Variants in RECQL5 observed in about 807,000 individuals in gnomAD.
RECQL5 encodes ATP-dependent DNA helicase Q5.
A neutral mutation model predicts 103.4 loss-of-function variants in RECQL5; 88 were observed. That is an observed-to-expected ratio of 0.85 (90% CI 0.72 to 1.02). The LOEUF (loss-of-function observed/expected upper bound fraction) is 1.02. RECQL5 is among the 50% of genes least tolerant of loss of function. RECQL5 has a pLI of 0.00. For synonymous variants in RECQL5, 552 were observed against 507.9 expected (o/e 1.09, Z -1.17); for missense variants, 1,232 against 1,284.3 (o/e 0.96, Z 0.62).
At chr17:75,627,998 G>A (rs1331157338) in intron 18 of RECQL5, among the ~76,000 whole-genome samples, 47 of 148,436 alleles carry the variant, frequency 3.2e-4, no homozygotes, top group Middle Eastern at 3.4e-3. Context: ...CAGCCTGGGC[G>A]ACAGAGATAA....
Position 75,640,676 on chromosome 17 carries a change from C to A in RECQL5, c.1230-9008G>T. The stretch of plus-strand genomic sequence containing the variant: ...TCACCAGCCTCTCGGATCTTTCTGA[C>A]CTCCACCAAACCTGTGGGGGAAAGA... On this transcript the variant is annotated intron_variant, in intron 8 of 19. Coordinates refer to ENST00000317905, the MANE Select transcript of RECQL5 (RefSeq NM_004259.7). This position sits in a 1 kb window ranked among gnomAD's most constrained non-coding sequence, Gnocchi z 4.6. 2 of 1,478,442 alleles carry A rather than the reference C, an allele frequency of 1.4e-6. No individual in the cohort carries two copies. The highest frequency in any genetic ancestry group is 1.8e-6 in the Non-Finnish European group (2 of 1,111,172). 91.6% of individuals were successfully genotyped at this position (1,478,442 alleles called of 1,614,324 possible).
Position 75,627,321 on chromosome 17 carries a change from G to A in RECQL5, c.*101C>T. 1 of 903,830 alleles carries A rather than the reference G, an allele frequency of 1.1e-6. No homozygotes were observed. The highest frequency in any genetic ancestry group is 1.8e-6 in the Non-Finnish European group (1 of 553,748). The allele number at this position is 903,830 out of a possible 1,614,324, so 56.0% of individuals were successfully genotyped here. On this transcript the variant is annotated 3_prime_UTR_variant, in exon 20 of 20. Transcript: ENST00000317905. Reference sequence around the variant, plus strand: ...GCCAAGTATGGTTGGAAAGGAGAAGGACTGAGAAAAGACGATGGCCCTGGC... The same window carrying A: ...GCCAAGTATGGTTGGAAAGGAGAAGAACTGAGAAAAGACGATGGCCCTGGC...
intron 7 of RECQL5, among the ~76,000 whole-genome samples, chr17:75,655,048 C>T (rs1188384606): frequency 6.6e-6 from 1 of 152,300 alleles, no homozygotes; most frequent in East Asian, 1.9e-4. Context: ...ATGTCATTCT[C>T]CCGAAGTGTT....
At chr17:75,652,855 T>TAA (rs1025458439) in intron 7 of RECQL5, among the ~76,000 whole-genome samples, 1 of 152,214 alleles carries the variant, frequency 6.6e-6, no homozygotes, top group Admixed American at 6.5e-5. Flanking sequence ...AAAAAGCACT[T>TAA]AAGTTACCAA....
At chr17:75,651,554 G>A (rs1250492426) in intron 7 of RECQL5, among the ~76,000 whole-genome samples, 3 of 152,170 alleles carry the variant, frequency 2.0e-5, no homozygotes, top group Non-Finnish European at 4.4e-5. Context: ...AACCCAGGAG[G>A]TGGAGGTTTC....
Position 75,629,487 on chromosome 17 carries a change from A to G in RECQL5, c.1948-12T>C. The G allele has an allele frequency of 1.3e-6, 2 of 1,500,264 alleles. No homozygotes were observed. The highest frequency in any genetic ancestry group is 2.8e-5 in the South Asian group (2 of 71,122). 92.9% of individuals were successfully genotyped at this position (1,500,264 alleles called of 1,614,324 possible). On this transcript the variant is annotated splice_polypyrimidine_tract_variant and intron_variant, in intron 15 of 19. Transcript: ENST00000317905. Reference sequence around the variant, plus strand: ...CGCTTGGGTTTGAGCTGTAAATGTGAGCAGGAGGAGAGGAGGTTCAGCCCA... The same window carrying G: ...CGCTTGGGTTTGAGCTGTAAATGTGGGCAGGAGGAGAGGAGGTTCAGCCCA...
chr17:75,656,637 G>C (rs930511101), intron 7 of RECQL5, among the ~76,000 whole-genome samples: 4 of 151,660 alleles, frequency 2.6e-5, no homozygotes, highest in African/African-American at 9.7e-5. Flanking sequence ...ATTTCTAGTA[G>C]GGTTTTTGTG....
chr17:75,640,297 C>G lies in RECQL5; in HGVS notation c.1230-8629G>C, dbSNP rs992815378. 29 of 1,550,782 alleles carry G rather than the reference C, an allele frequency of 1.9e-5. No individual in the cohort carries two copies. Among genetic ancestry groups the G allele is most frequent in the Non-Finnish European group, 2.4e-5 (28 of 1,146,658 alleles). ...TGCCCCAGGCTGAGCCCGTGGAGAT[C>G]GTGGCCTTCTCAGTCATCATCCTTT... On this transcript the variant is annotated intron_variant, in intron 8 of 19. Coordinates refer to ENST00000317905, the MANE Select transcript of RECQL5 (RefSeq NM_004259.7). This position sits in a 1 kb window ranked among gnomAD's most constrained non-coding sequence, Gnocchi z 4.6.
At position 75,627,345 on chromosome 17, in the gene RECQL5, G is replaced by A. The variant is rs1466993691; in HGVS notation, c.*77C>T. Reference sequence around the variant, plus strand: ...GGACTGAGAAAAGACGATGGCCCTGGCATCAGCAGGTGAGGCCCAGGATGA... The same window carrying A: ...GGACTGAGAAAAGACGATGGCCCTGACATCAGCAGGTGAGGCCCAGGATGA... On this transcript the variant is annotated 3_prime_UTR_variant, in exon 20 of 20. Transcript: ENST00000317905. 6.5e-6 allele frequency: 7 copies of A among 1,074,788 alleles called. No homozygotes were observed. Among genetic ancestry groups the A allele is most frequent in the Admixed American group, 3.5e-5 (2 of 57,772 alleles). The allele number at this position is 1,074,788 out of a possible 1,614,324, so 66.6% of individuals were successfully genotyped here.
chr17:75,662,811 A>G lies in RECQL5; in HGVS notation c.439T>C (p.Ser147Pro). The change falls in exon 4 of 20, where the codon TCC becomes CCC. Residue 147 changes from serine to proline, a missense_variant. Ser to Pro is a moderately conservative substitution (Grantham distance 74). Transcript: ENST00000317905. ...SFQPTLNSLVSRHLLSYLVVD... is the reference protein window; with the variant it reads ...SFQPTLNSLVPRHLLSYLVVD... ...ACCAAGTAAGACAGCAGGTGGCGGG[A>G]CACCAGGGAGTTCAGGGTGGGCTGG... 6.2e-7 allele frequency: 1 copy of G among 1,614,138 alleles called. No homozygotes were observed. Among genetic ancestry groups the G allele is most frequent in the Non-Finnish European group, 8.5e-7 (1 of 1,180,034 alleles).
intron 8 of RECQL5, chr17:75,649,853 C>A (rs1416109396): frequency 1.0e-6 from 1 of 985,518 alleles, no homozygotes; most frequent in Non-Finnish European, 1.2e-6. Context: ...ATGCCTGGAC[C>A]CCAGCCCCTG....
rs2059160599 is a variant in RECQL5 at position 75,629,215 on chromosome 17, A to G, written c.2208T>C (p.Ser736=). The G allele has an allele frequency of 1.2e-6, 2 of 1,613,116 alleles. No homozygotes were observed. The highest frequency in any genetic ancestry group is 1.3e-5 in the African/African-American group (1 of 74,928). The change falls in exon 16 of 20, where the codon TCT becomes TCC. Residue 736 remains serine (S), a synonymous_variant. Coordinates refer to ENST00000317905, the MANE Select transcript of RECQL5 (RefSeq NM_004259.7). ...PSPEKKAKSS[S]GGSSLAKGRA... is the part of the protein sequence containing the mutation. Reference sequence around the variant, plus strand: ...GGCCCTTGGCAAGGGAGCTGCCCCCAGAGGAACTTTTTGCCTTCTTCTCAG... The same window carrying G: ...GGCCCTTGGCAAGGGAGCTGCCCCCGGAGGAACTTTTTGCCTTCTTCTCAG...
chr17:75,639,949 T>C (rs2148287856), intron 8 of RECQL5: 1 of 439,298 alleles, frequency 2.3e-6, no homozygotes, highest in Non-Finnish European at 4.0e-6. Context: ...AAGCAAGCCC[T>C]TGGTCTCACT....
At position 75,629,736 on chromosome 17, in the gene RECQL5, T is replaced by C. The variant is rs1214248934; in HGVS notation, c.1919A>G (p.Asp640Gly). 6.2e-7 allele frequency: 1 copy of C among 1,613,312 alleles called. No individual in the cohort carries two copies. ...GTACACATGGGAGGCTGGTGGAATG[T>C]CATACTCATTGGGCTCCGGGGGCTC... is the stretch of plus-strand genomic sequence containing the variant. ...QAEPPEPNEY[D>G]IPPASHVYSL... Residue 640 changes from aspartate to glycine, a missense_variant, in exon 15 of 20, where the codon GAC (aspartate) becomes GGC (glycine). Coordinates refer to ENST00000317905, the MANE Select transcript of RECQL5 (RefSeq NM_004259.7).
At chr17:75,649,169 C>A (rs2059525162) in intron 8 of RECQL5, 2 of 152,234 alleles carry the variant, frequency 1.3e-5, no homozygotes, top group South Asian at 4.1e-4. Context: ...CAGGAAACAA[C>A]AGGGCCCAAT....
At chr17:75,648,420 C>G (rs1461613985) in intron 8 of RECQL5, among the ~76,000 whole-genome samples, 1 of 152,112 alleles carries the variant, frequency 6.6e-6, no homozygotes, top group Non-Finnish European at 1.5e-5. Context: ...GTCACCCAGG[C>G]TAGAGTGCGG....
intron 7 of RECQL5, among the ~76,000 whole-genome samples, chr17:75,653,932 A>C (rs934558734): frequency 2.6e-5 from 4 of 151,860 alleles, no homozygotes; most frequent in South Asian, 2.1e-4. Context: ...AAAAAACCCC[A>C]AAAAAACAAA....
intron 8 of RECQL5, chr17:75,633,771 G>A (rs2059266294): frequency 9.8e-7 from 1 of 1,023,138 alleles, no homozygotes; most frequent in African/African-American, 1.7e-5. Context: ...GGCTCAGGTG[G>A]AGCCTCCCCA....
chr17:75,660,152 C>T lies in RECQL5; in HGVS notation c.986+803G>A, dbSNP rs566314448. Reference sequence around the variant, plus strand: ...CATGATCTCAGCTCACTGCAACCTCCGCCTCCCGGGCTCAAGCAATCCTCC... The same window carrying T: ...CATGATCTCAGCTCACTGCAACCTCTGCCTCCCGGGCTCAAGCAATCCTCC... On this transcript the variant is annotated intron_variant, in intron 6 of 19. Transcript: ENST00000317905. 6.6e-5 allele frequency among the ~76,000 whole-genome samples: 10 copies of T among 152,098 alleles called. No homozygotes were observed. The East Asian group carries it at 9.7e-4, about 15-fold the overall frequency.
Sources: allele counts gnomAD v4.1 joint callset (sites outside exome capture counted in the v4.1 genomes callset), GRCh38; gene constraint gnomAD v4.1.1; non-coding constraint Gnocchi (gnomAD v3.1); transcripts MANE v1.5; gene names NCBI Gene and HGNC (gene_info 2026-07-23, HGNC 2026-07-21).